The following HDAC1 variants were observed in gnomAD, a reference collection of about 807,000 sequenced individuals.
HDAC1 encodes protein deacetylase HDAC1.
HDAC1 carries 18 observed loss-of-function variants against 65.5 expected under a neutral mutation model. The observed-to-expected ratio is 0.27, with a 90% CI of 0.19 to 0.41. The LOEUF is 0.41. Ranked by LOEUF, HDAC1 falls within the 10% of genes least tolerant of loss-of-function variation. HDAC1 has a pLI of 1.00. For missense variants in HDAC1, 373 were observed against 625.2 expected, an observed-to-expected ratio of 0.60 and a Z score of 4.30; for synonymous variants, 211 against 227.9, an observed-to-expected ratio of 0.93 and a Z score of 0.67.
chr1:32,328,075 A>G (rs1023109428), intron 6 of HDAC1, among the ~76,000 whole-genome samples: 8 of 152,138 alleles, frequency 5.3e-5, no homozygotes, highest in African/African-American at 1.9e-4. Context: ...CTCTCCAGAA[A>G]AGTACATGAG....
chr1:32,296,615 G>C (rs940303262), intron 1 of HDAC1, among the ~76,000 whole-genome samples: 4 of 152,158 alleles, frequency 2.6e-5, no homozygotes, highest in African/African-American at 9.7e-5. Flanking sequence ...CTGAGCTCAA[G>C]TCATCTACCC....
Position 32,330,794 on chromosome 1 carries a change from A to C in HDAC1, c.865A>C (p.Lys289Gln). 6.2e-7 allele frequency: 1 copy of C among 1,614,180 alleles called. No homozygotes were observed. Among genetic ancestry groups the C allele is most frequent in the Non-Finnish European group, 8.5e-7 (1 of 1,180,030 alleles). Reference protein sequence around the residue: ...KGHAKCVEFVKSFNLPMLMLG... With the variant: ...KGHAKCVEFVQSFNLPMLMLG... Reference sequence around the variant, plus strand: ...ACACGCCAAGTGTGTGGAATTTGTCAAGAGCTTTAACCTGCCTATGCTGAT... The same window carrying C: ...ACACGCCAAGTGTGTGGAATTTGTCCAGAGCTTTAACCTGCCTATGCTGAT... The change falls in exon 9 of 14, where the codon AAG becomes CAG. Residue 289 changes from lysine (K) to glutamine (Q), a missense_variant. Physicochemically the swap from Lys to Gln is moderately conservative, Grantham distance 53. Around this residue, in one of 4 missense-constraint regions of HDAC1, gnomAD observed 105 missense variants for 192.6 expected, o/e 0.55. Transcript: ENST00000373548. This position sits in a 1 kb window ranked among gnomAD's most constrained non-coding sequence, Gnocchi z 4.2.
intron 2 of HDAC1, among the ~76,000 whole-genome samples, chr1:32,316,118 TAAAAATACAAAAAA>T: frequency 6.6e-6 from 1 of 151,430 alleles, no homozygotes; most frequent in South Asian, 2.1e-4. Flanking sequence ...CTGTCTCTAC[TAAAAATACAAAAAA>T]AATTAGCCGG....
chr1:32,318,006 C>A (rs1212910732), intron 3 of HDAC1, among the ~76,000 whole-genome samples: 2 of 152,182 alleles, frequency 1.3e-5, no homozygotes, highest in East Asian at 3.9e-4. Flanking sequence ...GTTGCCCAGG[C>A]TGGAGTGCAA....
chr1:32,326,100 C>A (rs567606427), intron 4 of HDAC1, among the ~76,000 whole-genome samples: 1 of 152,302 alleles, frequency 6.6e-6, no homozygotes, highest in South Asian at 2.1e-4. Flanking sequence ...TTTACTTCTT[C>A]TGGGACCTAT....
chr1:32,292,740 G>C (rs958720375), intron 1 of HDAC1, among the ~76,000 whole-genome samples: 1 of 151,982 alleles, frequency 6.6e-6, no homozygotes, highest in Middle Eastern at 3.2e-3. Flanking sequence ...TGTTAAAACA[G>C]ACTTCTCACT....
At chr1:32,314,783 G>C (rs1013411192) in intron 2 of HDAC1, among the ~76,000 whole-genome samples, 3 of 143,832 alleles carry the variant, frequency 2.1e-5, no homozygotes, top group African/African-American at 7.9e-5. Flanking sequence ...CCGAGATCGC[G>C]CCACTGCACT....
intron 3 of HDAC1, among the ~76,000 whole-genome samples, 177 bp from the exon 4 acceptor site, chr1:32,324,302 T>G (rs1318328784): frequency 6.6e-6 from 1 of 151,922 alleles, no homozygotes; most frequent in East Asian, 1.9e-4. Flanking sequence ...AAAAAAATAA[T>G]AATGGGCTAA....
chr1:32,325,783 T>C (rs1204765317), intron 4 of HDAC1, among the ~76,000 whole-genome samples: 1 of 152,134 alleles, frequency 6.6e-6, no homozygotes, highest in Non-Finnish European at 1.5e-5. Flanking sequence ...CTCAGCACTT[T>C]GGGAGGCTGA....
intron 3 of HDAC1, among the ~76,000 whole-genome samples, chr1:32,320,521 A>C (rs1465875705): frequency 6.6e-6 from 1 of 152,196 alleles, no homozygotes; most frequent in Non-Finnish European, 1.5e-5. Flanking sequence ...TTTCCCAGTC[A>C]CACAGCAAGG....
intron 6 of HDAC1, among the ~76,000 whole-genome samples, chr1:32,328,411 A>G (rs770271572): frequency 1.3e-5 from 2 of 151,216 alleles, no homozygotes; most frequent in Non-Finnish European, 2.9e-5. Context: ...TCCCGCCTCC[A>G]GGCGATCTTG....
In HDAC1 at chr1:32,333,067, T is replaced by C. The variant is rs1424310797; in HGVS notation, c.*23T>C. 2 of 1,604,334 alleles carry C rather than the reference T, an allele frequency of 1.2e-6. No homozygotes were observed. Among genetic ancestry groups the C allele is most frequent in the South Asian group, 2.2e-5 (2 of 90,654 alleles). On this transcript the variant is annotated 3_prime_UTR_variant, in exon 14 of 14. Transcript: ENST00000373548. ...TGAATGGACCTCTCCAGCTCTGGCT[T>C]CCTGCTGAGTCCCTCACGTTTCTTC...
chr1:32,332,955 TG>T, intron 13 of HDAC1, 61 bp from the exon 14 acceptor site: 1 of 1,559,804 alleles, frequency 6.4e-7, no homozygotes, highest in Non-Finnish European at 8.8e-7. Flanking sequence ...AGTCACTGTC[TG>T]CACTTTTGCC....
chr1:32,314,650 C>T (rs1209424706), intron 2 of HDAC1, among the ~76,000 whole-genome samples: 1 of 151,782 alleles, frequency 6.6e-6, no homozygotes, highest in Non-Finnish European at 1.5e-5. Context: ...CATGGTGAAA[C>T]CCCATCTCTA....
At chr1:32,328,247 C>T (rs1641245530) in intron 6 of HDAC1, among the ~76,000 whole-genome samples, 1 of 152,076 alleles carries the variant, frequency 6.6e-6, no homozygotes, top group South Asian at 2.1e-4. Flanking sequence ...TGCCTGGTAG[C>T]CCTTGGGTAA....
rs1172704879 is a variant in HDAC1 at position 32,331,260 on chromosome 1, G to A, written c.980-214G>A. 1.3e-5 allele frequency among the ~76,000 whole-genome samples: 2 copies of A among 152,132 alleles called. No individual in the cohort carries two copies. The highest frequency in any genetic ancestry group is 4.8e-5 in the African/African-American group (2 of 41,414). On this transcript the variant is annotated intron_variant, in intron 9 of 13. Coordinates refer to ENST00000373548, the MANE Select transcript of HDAC1 (RefSeq NM_004964.3). This position sits in a 1 kb window ranked among gnomAD's most constrained non-coding sequence, Gnocchi z 4.2. ...AACCAGGGACATGGGCCTTCTCCTA[G>A]CGACATATACACCACTGGTACAGAC...
Position 32,332,685 on chromosome 1 carries a change from T to G in HDAC1, c.1373-16T>G, listed in dbSNP as rs1641311516. 5.8e-6 allele frequency: 9 copies of G among 1,551,848 alleles called. No individual in the cohort carries two copies. The highest frequency in any genetic ancestry group is 7.8e-6 in the Non-Finnish European group (9 of 1,146,574). On this transcript the variant is annotated splice_polypyrimidine_tract_variant and intron_variant, in intron 12 of 13. Transcript: ENST00000373548. ...GAGGTGCTGCCCTTGGCCATCCCTG[T>G]ACTCTTGTGTTCTAGAAGTCACCGA...
chr1:32,303,147 T>TG (rs1640871263), intron 2 of HDAC1, among the ~76,000 whole-genome samples: 1 of 151,858 alleles, frequency 6.6e-6, no homozygotes, highest in Non-Finnish European at 1.5e-5. Context: ...CATTCCAGCT[T>TG]GGGGGGCAGA....
chr1:32,330,031 T>C lies in HDAC1; in HGVS notation c.730-547T>C, dbSNP rs17507358. 0.02 allele frequency: 3,116 copies of C among 158,796 alleles called. 44 individuals are homozygous for C. The highest frequency in any genetic ancestry group is 0.028 in the Non-Finnish European group (2,026 of 71,704). 9.8% of individuals were successfully genotyped at this position (158,796 alleles called of 1,614,324 possible). A position where few individuals can be genotyped will look rare whatever the true frequency, so the allele number is the denominator to read the frequency against. ...CCATGCCAAGGAGTTAAATCTTCACTTATAAACAGTAAGAAACTGCTTAAC... is the reference window on the plus strand; with the variant it reads ...CCATGCCAAGGAGTTAAATCTTCACCTATAAACAGTAAGAAACTGCTTAAC... On this transcript the variant is annotated intron_variant, in intron 7 of 13. Coordinates refer to ENST00000373548, the MANE Select transcript of HDAC1 (RefSeq NM_004964.3). This position sits in a 1 kb window ranked among gnomAD's most constrained non-coding sequence, Gnocchi z 4.2.
Sources: gnomAD v4.1 joint callset for allele counts (sites outside exome capture counted in the v4.1 genomes callset) on GRCh38, gnomAD v4.1.1 for gene constraint, gnomAD v4.1.1 regional missense constraint, Gnocchi (gnomAD v3.1) non-coding constraint, MANE v1.5 for transcripts, NCBI Gene and HGNC (gene_info 2026-07-23, HGNC 2026-07-21) for gene names.